NXPE2: variants seen among roughly 807,000 people sequenced by gnomAD.
The protein encoded by NXPE2 is neurexophilin and PC-esterase domain family member 2.
NXPE2 carries 34 observed loss-of-function variants against 34.4 expected under a neutral mutation model. The ratio of observed to expected loss-of-function variants is 0.99; its 90% CI spans 0.75 to 1.31. NXPE2 has a LOEUF of 1.31. Among genes scored for constraint, NXPE2 ranks in the 40% most tolerant of loss-of-function variants. The pLI is 0.00. For synonymous variants in NXPE2, 235 were observed against 231.3 expected (o/e 1.02, Z -0.15); for missense variants, 649 against 672.5 (o/e 0.97, Z 0.39).
chr11:114,501,553 A>G, the NXPE2 span, among the ~76,000 whole-genome samples: 1 of 152,224 alleles, frequency 6.6e-6, no homozygotes. Flanking sequence ...TACAAGTTAC[A>G]AAAACCATTG....
the NXPE2 span, chr11:114,580,426 T>C: frequency 5.7e-6 from 6 of 1,046,702 alleles, no homozygotes; most frequent in Non-Finnish European, 8.8e-6. Flanking sequence ...CTAAGTATCC[T>C]AAGAGGGGGT....
At chr11:114,498,827 A>G in the NXPE2 span, among the ~76,000 whole-genome samples, 3 of 151,922 alleles carry the variant, frequency 2.0e-5, no homozygotes, top group African/African-American at 7.2e-5. Flanking sequence ...ATTAATAGTG[A>G]GATTAGTTTG....
chr11:114,757,878 G>A, the NXPE2 span, among the ~76,000 whole-genome samples: 5 of 152,184 alleles, frequency 3.3e-5, no homozygotes, highest in African/African-American at 1.2e-4. Flanking sequence ...CATTAAATGA[G>A]TTCTCAGGCC....
At chr11:114,807,355 T>C in the NXPE2 span, among the ~76,000 whole-genome samples, 2 of 152,308 alleles carry the variant, frequency 1.3e-5, no homozygotes, top group African/African-American at 4.8e-5. Context: ...TAACTTTAAA[T>C]GTAAATGGGC....
the NXPE2 span, among the ~76,000 whole-genome samples, chr11:114,757,049 A>T: frequency 6.6e-6 from 1 of 152,166 alleles, no homozygotes; most frequent in Non-Finnish European, 1.5e-5. Context: ...TTCCAGCTGC[A>T]CTTGATAAAG....
chr11:114,730,892 C>G, the NXPE2 span, among the ~76,000 whole-genome samples: 1 of 152,134 alleles, frequency 6.6e-6, no homozygotes, highest in Non-Finnish European at 1.5e-5. Context: ...ATTTATTTCT[C>G]TTGCCTGGTT....
the NXPE2 span, among the ~76,000 whole-genome samples, chr11:114,813,047 CATCCTT>C: frequency 6.6e-6 from 1 of 152,304 alleles, no homozygotes; most frequent in Admixed American, 6.5e-5. Flanking sequence ...TCCCTCAACT[CATCCTT>C]ATTAATGCCA....
the NXPE2 span, among the ~76,000 whole-genome samples, chr11:114,761,420 C>A: frequency 6.6e-6 from 1 of 152,308 alleles, no homozygotes; most frequent in East Asian, 1.9e-4. Context: ...CCCCACGATT[C>A]AGTCTGATGC....
At chr11:114,688,599 G>A (rs1221252536) in intron 2 of NXPE2, among the ~76,000 whole-genome samples, 1 of 151,996 alleles carries the variant, frequency 6.6e-6, no homozygotes, top group Non-Finnish European at 1.5e-5. Flanking sequence ...TACTGGTTTT[G>A]TAGAATGAAT....
chr11:114,813,456 C>G, the NXPE2 span, among the ~76,000 whole-genome samples: 2 of 152,232 alleles, frequency 1.3e-5, no homozygotes, highest in African/African-American at 4.8e-5. Context: ...ATGGCATCTG[C>G]GAGCTGCAGC....
At chr11:114,520,492 C>A in the NXPE2 span, among the ~76,000 whole-genome samples, 3 of 152,192 alleles carry the variant, frequency 2.0e-5, no homozygotes, top group South Asian at 4.1e-4. Context: ...ATATATACTG[C>A]AAATTATTTA....
At chr11:114,726,905 C>A in the NXPE2 span, among the ~76,000 whole-genome samples, 1 of 151,984 alleles carries the variant, frequency 6.6e-6, no homozygotes, top group Non-Finnish European at 1.5e-5. Flanking sequence ...TCAGAATGAC[C>A]TTTACCATCC....
the NXPE2 span, among the ~76,000 whole-genome samples, chr11:114,505,115 C>A: frequency 6.6e-6 from 1 of 151,772 alleles, no homozygotes; most frequent in Non-Finnish European, 1.5e-5. Context: ...ATAGACCAAG[C>A]AGAGGAAACA....
the NXPE2 span, among the ~76,000 whole-genome samples, chr11:114,648,280 G>T: frequency 0.015 from 2,223 of 152,186 alleles, 42 homozygotes; most frequent in African/African-American, 0.051. Context: ...GAGAGCCAAT[G>T]GTGTAGGTTC....
chr11:114,748,079 G>C, the NXPE2 span, among the ~76,000 whole-genome samples: 1 of 151,966 alleles, frequency 6.6e-6, no homozygotes, highest in Non-Finnish European at 1.5e-5. Flanking sequence ...TCTGTGCCTG[G>C]CTTATTTCAC....
intron 3 of NXPE2, among the ~76,000 whole-genome samples, chr11:114,700,431 T>C (rs1446751086): frequency 6.6e-6 from 1 of 152,118 alleles, no homozygotes; most frequent in East Asian, 1.9e-4. Context: ...GGAAACAGCA[T>C]TCTCAAGAGA....
chr11:114,510,879 G>T, the NXPE2 span, among the ~76,000 whole-genome samples: 1 of 151,832 alleles, frequency 6.6e-6, no homozygotes, highest in African/African-American at 2.4e-5. Flanking sequence ...ACATTTTTTG[G>T]GCAGAGAAAG....
chr11:114,522,968 A>G, the NXPE2 span: 2 of 1,613,728 alleles, frequency 1.2e-6, no homozygotes, highest in Admixed American at 1.7e-5. Context: ...ACAGCCATTT[A>G]TCTTAATTGT....
chr11:114,798,291 C>T, the NXPE2 span, among the ~76,000 whole-genome samples: 4 of 152,178 alleles, frequency 2.6e-5, no homozygotes, highest in African/African-American at 9.6e-5. Flanking sequence ...AGCTACTGTC[C>T]CCAGGAAAAT....
Sources: allele counts gnomAD v4.1 joint callset (sites outside exome capture counted in the v4.1 genomes callset), GRCh38; gene constraint gnomAD v4.1.1; transcripts MANE v1.5; gene names NCBI Gene and HGNC (gene_info 2026-07-23, HGNC 2026-07-21).